Variants in ANK3 observed in about 807,000 individuals in gnomAD.
ANK3 encodes ankyrin-3.
Under a neutral mutation model 370.9 loss-of-function variants are expected in ANK3, and 57 were observed. That is an observed-to-expected ratio of 0.15 (90% CI 0.12 to 0.19). The LOEUF (loss-of-function observed/expected upper bound fraction) is 0.19. Among genes scored for constraint, ANK3 ranks in the 10% least tolerant of loss-of-function variants. The pLI, the probability that ANK3 is intolerant of heterozygous loss-of-function variation, is 1.00. For synonymous variants in ANK3, 1,929 were observed against 1,946.3 expected (o/e 0.99, Z 0.23); for missense variants, 4,439 against 5,302.1 (o/e 0.84, Z 5.06).
intron 4 of ANK3, among the ~76,000 whole-genome samples, chr10:60,274,262 G>A (rs547683245): frequency 1.3e-5 from 2 of 152,248 alleles, no homozygotes; most frequent in East Asian, 3.9e-4. Context: ...CATGAACACT[G>A]TGCTTGGCCT....
chr10:60,663,605 T>A (rs2078962422), intron 1 of ANK3, among the ~76,000 whole-genome samples: 1 of 152,224 alleles, frequency 6.6e-6, no homozygotes, highest in Admixed American at 6.5e-5. Flanking sequence ...CTGAGTTTTC[T>A]TATTCACAGA....
At chr10:60,502,336 G>GA (rs1335976108) in intron 2 of ANK3, among the ~76,000 whole-genome samples, 1 of 152,130 alleles carries the variant, frequency 6.6e-6, no homozygotes, top group Non-Finnish European at 1.5e-5. Flanking sequence ...AAACACATTA[G>GA]AAAAAAGAGT....
chr10:60,679,453 G>T (rs146135891), intron 1 of ANK3, among the ~76,000 whole-genome samples: 273 of 152,286 alleles, frequency 1.8e-3, no homozygotes, highest in Non-Finnish European at 3.3e-3. Flanking sequence ...TTTCCATTAA[G>T]ATTTCAGGAG....
At chr10:60,572,174 T>G (rs570477856) in intron 2 of ANK3, among the ~76,000 whole-genome samples, 1 of 152,298 alleles carries the variant, frequency 6.6e-6, no homozygotes, top group African/African-American at 2.4e-5. Context: ...CCCACATAAT[T>G]AGGACGTGTT....
chr10:60,370,180 C>T (rs1174857226), intron 1 of ANK3, among the ~76,000 whole-genome samples: 3 of 152,124 alleles, frequency 2.0e-5, no homozygotes, highest in South Asian at 4.1e-4. Flanking sequence ...AGCTTGGCAA[C>T]TTTTCCAAGC....
chr10:60,419,708 A>C (rs545247190), intron 2 of ANK3, among the ~76,000 whole-genome samples: 32 of 152,258 alleles, frequency 2.1e-4, no homozygotes, highest in African/African-American at 6.7e-4. Flanking sequence ...TCTAATTTTT[A>C]GTCCAGGGAC....
chr10:60,282,816 C>A (rs1480604374), intron 1 of ANK3, among the ~76,000 whole-genome samples: 1 of 152,132 alleles, frequency 6.6e-6, no homozygotes, highest in African/African-American at 2.4e-5. Context: ...ACCATAACAA[C>A]CACCCACTTC....
At chr10:60,336,900 C>T (rs552612717) in intron 1 of ANK3, among the ~76,000 whole-genome samples, 28 of 152,206 alleles carry the variant, frequency 1.8e-4, no homozygotes, top group East Asian at 9.7e-4. Context: ...ATTCTCTTTG[C>T]GGTCCAGCAG....
At chr10:60,638,526 T>G (rs1055288610) in intron 1 of ANK3, among the ~76,000 whole-genome samples, 3 of 147,236 alleles carry the variant, frequency 2.0e-5, no homozygotes, top group African/African-American at 7.9e-5. Flanking sequence ...TTAGCAGACA[T>G]ACAAAGAAGC....
At chr10:60,081,941 T>G in intron 35 of ANK3, 4 of 410,414 alleles carry the variant, frequency 9.7e-6, no homozygotes, top group Non-Finnish European at 4.3e-6. Flanking sequence ...TCAGCTGAAT[T>G]ATAATTTCGT....
At chr10:60,220,606 T>A (rs1396302665) in intron 8 of ANK3, among the ~76,000 whole-genome samples, 2 of 152,226 alleles carry the variant, frequency 1.3e-5, no homozygotes, top group African/African-American at 2.4e-5. Flanking sequence ...CCTGAATAAC[T>A]CTTTCAATCA....
chr10:60,243,656 G>T (rs1184301875), intron 7 of ANK3, among the ~76,000 whole-genome samples: 1 of 152,182 alleles, frequency 6.6e-6, no homozygotes, highest in Non-Finnish European at 1.5e-5. Flanking sequence ...TAAGAATGGT[G>T]CTTGGCATTT....
intron 40 of ANK3, chr10:60,059,860 C>G: frequency 6.2e-7 from 1 of 1,614,248 alleles, no homozygotes; most frequent in South Asian, 1.1e-5. Context: ...TGGGAAGGCA[C>G]TAGCCCATCA....
intron 5 of ANK3, among the ~76,000 whole-genome samples, chr10:60,267,667 G>T (rs2097902060): frequency 6.6e-6 from 1 of 150,992 alleles, no homozygotes; most frequent in African/African-American, 2.5e-5. Flanking sequence ...GAGAGTTACT[G>T]GTAATTGGTT....
intron 1 of ANK3, among the ~76,000 whole-genome samples, chr10:60,706,781 G>A (rs1273331386): frequency 6.6e-6 from 1 of 152,138 alleles, no homozygotes; most frequent in African/African-American, 2.4e-5. Flanking sequence ...ATTATTTCCA[G>A]TAGACAAATT....
intron 2 of ANK3, among the ~76,000 whole-genome samples, chr10:60,612,435 C>T (rs577329017): frequency 6.6e-6 from 1 of 152,120 alleles, no homozygotes; most frequent in Non-Finnish European, 1.5e-5. Context: ...AAGGTATCAA[C>T]TCTCACCTCT....
chr10:60,063,365 T>C (rs2080991626), intron 39 of ANK3, 111 bp from the exon 40 acceptor site: 2 of 1,019,868 alleles, frequency 2.0e-6, no homozygotes, highest in Non-Finnish European at 2.8e-6. Flanking sequence ...TTTAGCTCCT[T>C]CTTACTCCAT....
At chr10:60,080,657 T>C in intron 35 of ANK3, 39 bp from the exon 36 acceptor site, 1 of 1,468,036 alleles carries the variant, frequency 6.8e-7, no homozygotes, top group Non-Finnish European at 9.2e-7. Context: ...TATTTCCAAC[T>C]TCCCTGTGAC....
intron 1 of ANK3, among the ~76,000 whole-genome samples, chr10:60,725,151 T>C (rs940660528): frequency 6.6e-6 from 1 of 152,208 alleles, no homozygotes; most frequent in Non-Finnish European, 1.5e-5. Context: ...AAGGATTTAA[T>C]GTTTATGTAC....
Sources: gnomAD v4.1 joint callset for allele counts (sites outside exome capture counted in the v4.1 genomes callset) on GRCh38, gnomAD v4.1.1 for gene constraint, MANE v1.5 for transcripts, NCBI Gene and HGNC (gene_info 2026-07-23, HGNC 2026-07-21) for gene names.